PRIMPOL: variants seen among roughly 807,000 people sequenced by gnomAD.
PRIMPOL encodes DNA-directed primase/polymerase protein.
PRIMPOL carries 54 observed loss-of-function variants against 63.6 expected under a neutral mutation model. The observed-to-expected ratio is 0.85, with a 90% CI of 0.68 to 1.07. PRIMPOL has a LOEUF of 1.07. PRIMPOL is among the 50% of genes least tolerant of loss of function. PRIMPOL has a pLI of 0.00. For missense variants in PRIMPOL, 610 were observed against 648.3 expected, an observed-to-expected ratio of 0.94 and a Z score of 0.64; for synonymous variants, 197 against 220.2, an observed-to-expected ratio of 0.89 and a Z score of 0.93.
chr4:184,692,531 CAA>C, intron 13 of PRIMPOL, among the ~76,000 whole-genome samples: 1 of 146,306 alleles, frequency 6.8e-6, no homozygotes, highest in Non-Finnish European at 1.5e-5. Flanking sequence ...ACACAAGAAG[CAA>C]AGAGGAAAGA....
chr4:184,690,979 G>T (rs1758365775), intron 11 of PRIMPOL, among the ~76,000 whole-genome samples: 1 of 152,130 alleles, frequency 6.6e-6, no homozygotes, highest in African/African-American at 2.4e-5. Flanking sequence ...ATGAAGTGAT[G>T]ATTTTAAATT....
At chr4:184,684,329 G>A (rs916401399) in intron 9 of PRIMPOL, among the ~76,000 whole-genome samples, 1 of 151,988 alleles carries the variant, frequency 6.6e-6, no homozygotes, top group Non-Finnish European at 1.5e-5. Flanking sequence ...GGTGTTGCAC[G>A]CCTGTAATCC....
intron 7 of PRIMPOL, among the ~76,000 whole-genome samples, chr4:184,674,568 A>G (rs186860655): frequency 6.6e-6 from 1 of 152,322 alleles, no homozygotes; most frequent in East Asian, 1.9e-4. Context: ...AGGGGAACCA[A>G]CTTCTCTATG....
intron 8 of PRIMPOL, among the ~76,000 whole-genome samples, chr4:184,681,446 A>G (rs1170569210): frequency 6.6e-6 from 1 of 152,160 alleles, no homozygotes; most frequent in Non-Finnish European, 1.5e-5. Context: ...TCCTCCCTAT[A>G]TAATACTGTA....
chr4:184,680,159 C>G (rs1755219876), intron 8 of PRIMPOL, among the ~76,000 whole-genome samples: 1 of 150,866 alleles, frequency 6.6e-6, no homozygotes, highest in Admixed American at 6.7e-5. Flanking sequence ...TTACCATCAA[C>G]TTGCCATAAT....
chr4:184,674,299 T>C (rs1308892411), intron 7 of PRIMPOL, among the ~76,000 whole-genome samples: 2 of 152,222 alleles, frequency 1.3e-5, no homozygotes, highest in Non-Finnish European at 2.9e-5. Flanking sequence ...AAGAAACTTT[T>C]TTTGTTGAAG....
At chr4:184,694,399 G>A in intron 13 of PRIMPOL, 123 bp from the exon 14 acceptor site, 2 of 1,428,690 alleles carry the variant, frequency 1.4e-6, no homozygotes, top group East Asian at 2.6e-5. Context: ...CATTCCTCCT[G>A]CATATTCACT....
Position 184,685,487 on chromosome 4 carries a change from G to C in PRIMPOL, c.1175G>C (p.Gly392Ala), listed in dbSNP as rs774131575. The C allele has an allele frequency of 6.2e-7, 1 of 1,609,262 alleles. No individual in the cohort carries two copies. Among genetic ancestry groups the C allele is most frequent in the Non-Finnish European group, 8.5e-7 (1 of 1,175,634 alleles). Residue 392 changes from glycine to alanine, a missense_variant, in exon 10 of 14, where the codon GGC becomes GCC. Coordinates refer to ENST00000314970, the MANE Select transcript of PRIMPOL (RefSeq NM_152683.4). The stretch of plus-strand genomic sequence containing the variant: ...GTTCTTTCTTTGGTGAATAAAGATG[G>C]CATTAAAGGAGGTAAAGTTAATCTC... Reference protein sequence around the residue: ...HFVLSLVNKDGIKGGIRRWNY... With the variant: ...HFVLSLVNKDAIKGGIRRWNY...
intron 2 of PRIMPOL, among the ~76,000 whole-genome samples, chr4:184,653,397 A>T (rs2150019350): frequency 6.6e-6 from 1 of 152,292 alleles, no homozygotes. Flanking sequence ...CCTTTTTTCT[A>T]GCTTGACCCC....
chr4:184,689,446 C>CTT lies in PRIMPOL; in HGVS notation c.1296-2030_1296-2029dup, dbSNP rs70962517. Among the ~76,000 whole-genome samples, 78 of 50,248 alleles carry CTT rather than the reference C, an allele frequency of 1.6e-3. 2 individuals carry two copies. Among genetic ancestry groups the CTT allele is most frequent in the African/African-American group, 6.2e-3 (74 of 11,910 alleles). The allele number at this position is 50,248 out of a possible 152,430, so 33.0% of individuals were successfully genotyped here. On this transcript the variant is annotated intron_variant, in intron 11 of 13. Coordinates refer to ENST00000314970, the MANE Select transcript of PRIMPOL (RefSeq NM_152683.4). The stretch of plus-strand genomic sequence containing the variant: ...TTGTTCTCCATTGATGTTAATGGTG[C>CTT]TTTTTTTTTTTTTTTTTTTTTTTTG...
chr4:184,688,762 C>T (rs750909014), intron 11 of PRIMPOL, among the ~76,000 whole-genome samples: 1 of 152,206 alleles, frequency 6.6e-6, no homozygotes, highest in South Asian at 2.1e-4. Context: ...AAGTCAGAAA[C>T]GTCCTACGAA....
intron 2 of PRIMPOL, among the ~76,000 whole-genome samples, chr4:184,653,644 C>T (rs979079772): frequency 2.6e-5 from 4 of 152,128 alleles, no homozygotes; most frequent in East Asian, 1.9e-4. Context: ...GCCACTGCAC[C>T]GGGCGGAGCC....
chr4:184,654,694 C>T (rs1047540556), intron 2 of PRIMPOL, among the ~76,000 whole-genome samples: 23 of 151,992 alleles, frequency 1.5e-4, no homozygotes, highest in Admixed American at 1.2e-3. Flanking sequence ...CCTTGTGATC[C>T]GCCTGCCTTG....
At chr4:184,650,115 G>A (rs1199790732) in intron 1 of PRIMPOL, among the ~76,000 whole-genome samples, 1 of 152,248 alleles carries the variant, frequency 6.6e-6, no homozygotes, top group Admixed American at 6.5e-5. Context: ...GAGTTCCCAA[G>A]GAGGCAGTTC....
chr4:184,694,276 A>T (rs1213397607), intron 13 of PRIMPOL: 2 of 1,238,976 alleles, frequency 1.6e-6, no homozygotes, highest in Admixed American at 7.2e-5. Flanking sequence ...ATTGAAAAGT[A>T]TGTGCACAGA....
intron 2 of PRIMPOL, among the ~76,000 whole-genome samples, chr4:184,652,892 G>A (rs572755534): frequency 1.3e-4 from 1 of 7,668 alleles, no homozygotes; most frequent in African/African-American, 1.5e-4. Context: ...AGAAGGGAAA[G>A]AAGGGAGGGA....
chr4:184,672,143 C>T, intron 6 of PRIMPOL, 30 bp from the exon 7 acceptor site: 1 of 1,574,218 alleles, frequency 6.4e-7, no homozygotes, highest in South Asian at 1.2e-5. Context: ...GGAGAAGATC[C>T]AGGTGAATGA....
intron 13 of PRIMPOL, among the ~76,000 whole-genome samples, chr4:184,693,343 C>T (rs1034159387): frequency 1.1e-4 from 17 of 151,946 alleles, no homozygotes; most frequent in African/African-American, 2.9e-4. Flanking sequence ...TTTAGATATT[C>T]GTGGTTGCAG....
intron 2 of PRIMPOL, among the ~76,000 whole-genome samples, chr4:184,655,005 C>CTT (rs376411752): frequency 6.7e-6 from 1 of 148,372 alleles, no homozygotes; most frequent in South Asian, 2.1e-4. Context: ...TGTACTATCC[C>CTT]TTTTTTTTTT....
Sources: gnomAD v4.1 joint callset for allele counts (sites outside exome capture counted in the v4.1 genomes callset) on GRCh38, gnomAD v4.1.1 for gene constraint, MANE v1.5 for transcripts, NCBI Gene and HGNC (gene_info 2026-07-23, HGNC 2026-07-21) for gene names.